Variants in TENM1 observed in about 807,000 individuals in gnomAD.
TENM1 encodes the protein teneurin transmembrane protein 1, also known as teneurin-1.
A neutral mutation model predicts 174.8 loss-of-function variants in TENM1; 35 were observed. The observed-to-expected ratio is 0.20, with a 90% CI of 0.15 to 0.27. TENM1 has a LOEUF of 0.27. TENM1 is among the 10% of genes least tolerant of loss of function. TENM1 has a pLI of 1.00. For missense variants in TENM1, 1,633 were observed against 2,130.1 expected (o/e 0.77, Z 4.59); for synonymous variants, 781 against 798.7 (o/e 0.98, Z 0.37).
At position 124,419,532 on chromosome X, in the gene TENM1, G is replaced by A. The variant is rs756462611; in HGVS notation, c.4982+779C>T. On this transcript the variant is annotated intron_variant, in intron 25 of 31. Coordinates refer to ENST00000422452, the Ensembl canonical transcript of TENM1. ...CTTACTTGCAAACAAGGTCATCCAT[G>A]CCTTAAAAGGCAAGGACAATGGTCT... 5.3e-5 allele frequency among the ~76,000 whole-genome samples: 6 copies of A among 112,201 alleles called. No homozygotes were observed. The East Asian group carries it at 1.7e-3, about 31-fold the overall frequency.
intron 15 of TENM1, among the ~76,000 whole-genome samples, chrX:124,531,082 A>G (rs2148073243): frequency 9.3e-6 from 1 of 107,867 alleles, no homozygotes; most frequent in East Asian, 2.9e-4. Flanking sequence ...GGGTTGAGGA[A>G]GGTTGAGCAA....
chrX:124,432,974 C>T (rs1157044943), intron 23 of TENM1, among the ~76,000 whole-genome samples: 1 of 112,010 alleles, frequency 8.9e-6, no homozygotes, highest in Non-Finnish European at 1.9e-5. Flanking sequence ...TAGCAGATGT[C>T]ATGGACCATG....
chrX:124,847,910 G>A (rs921705930), intron 3 of TENM1, among the ~76,000 whole-genome samples: 11 of 110,703 alleles, frequency 9.9e-5, no homozygotes, highest in African/African-American at 3.3e-4. Context: ...CTTTGGCAGG[G>A]GTATGAATGG....
At chrX:124,889,313 T>G (rs2057438151) in intron 3 of TENM1, among the ~76,000 whole-genome samples, 1 of 111,273 alleles carries the variant, frequency 9.0e-6, no homozygotes, top group Admixed American at 9.6e-5. Context: ...TTGAGAAAAT[T>G]ATTCTGTCTC....
chrX:124,685,137 AAACAAC>A lies in TENM1; in HGVS notation c.1016-13308_1016-13303del, dbSNP rs3060647. Among the ~76,000 whole-genome samples the A allele has an allele frequency of 1.8e-3, 191 of 106,104 alleles. 1 individual carries two copies. The highest frequency in any genetic ancestry group is 6.7e-3 in the Admixed American group (67 of 9,961). 92.1% of individuals were successfully genotyped at this position (106,104 alleles called of 115,157 possible). ...CATCACCAAAGGGAAAGCAAAAAAC[AAACAAC>A]AACAACAACAACAACAACAACAACA... is the stretch of plus-strand genomic sequence containing the variant. On this transcript the variant is annotated intron_variant, in intron 5 of 31. Transcript: ENST00000422452.
chrX:125,141,738 CTG>C, the TENM1 span, among the ~76,000 whole-genome samples: 16 of 111,575 alleles, frequency 1.4e-4, no homozygotes, highest in African/African-American at 5.2e-4. Flanking sequence ...ATGAAAAACA[CTG>C]TGTTTGTGGT....
intron 3 of TENM1, among the ~76,000 whole-genome samples, chrX:124,890,087 TATAA>T (rs1308949356): frequency 3.6e-5 from 4 of 112,293 alleles, no homozygotes; most frequent in African/African-American, 6.5e-5. Flanking sequence ...AGGCTATAAC[TATAA>T]ATAATTTATT....
chrX:124,416,474 T>G (rs147899231), intron 25 of TENM1, among the ~76,000 whole-genome samples: 21 of 112,174 alleles, frequency 1.9e-4, no homozygotes, highest in Admixed American at 3.8e-4. Context: ...TATATCACAT[T>G]TTGTTTGTCT....
chrX:125,076,636 G>A, the TENM1 span, among the ~76,000 whole-genome samples: 1 of 111,223 alleles, frequency 9.0e-6, no homozygotes, highest in Non-Finnish European at 1.9e-5. Context: ...GCAGTGTTTG[G>A]ATTAGAATAT....
chrX:125,096,459 G>T, the TENM1 span, among the ~76,000 whole-genome samples: 1 of 112,207 alleles, frequency 8.9e-6, no homozygotes, highest in African/African-American at 3.2e-5. Context: ...TTTTCTTGGA[G>T]AAAGAGTTTC....
chrX:124,467,115 T>C (rs191945852), intron 22 of TENM1, among the ~76,000 whole-genome samples: 1 of 111,541 alleles, frequency 9.0e-6, no homozygotes, highest in East Asian at 2.8e-4. Flanking sequence ...ATTAGACTGT[T>C]TCCCCCAAAT....
the TENM1 span, among the ~76,000 whole-genome samples, chrX:124,990,759 AT>A: frequency 8.9e-6 from 1 of 112,222 alleles, no homozygotes; most frequent in Non-Finnish European, 1.9e-5. Flanking sequence ...ATCAGGATTA[AT>A]TTATCGATTG....
At chrX:124,878,498 C>A (rs2057247462) in intron 3 of TENM1, among the ~76,000 whole-genome samples, 1 of 108,551 alleles carries the variant, frequency 9.2e-6, no homozygotes, top group Non-Finnish European at 1.9e-5. Context: ...TGGTGCCCTC[C>A]CGGTGGTCAT....
intron 13 of TENM1, 116 bp downstream of exon 16, chrX:124,563,633 T>G: frequency 1.8e-6 from 1 of 542,874 alleles, no homozygotes; most frequent in African/African-American, 2.3e-5. Flanking sequence ...TAAATAAGAT[T>G]GCCAAAAATA....
chrX:124,789,896 T>C (rs2055139656), intron 3 of TENM1, among the ~76,000 whole-genome samples: 1 of 112,077 alleles, frequency 8.9e-6, no homozygotes, highest in African/African-American at 3.2e-5. Flanking sequence ...CGCCTCATTC[T>C]ACTGGTACCA....
chrX:124,715,389 TA>T (rs1175230547), intron 4 of TENM1, among the ~76,000 whole-genome samples: 122 of 99,908 alleles, frequency 1.2e-3, no homozygotes, highest in Admixed American at 1.6e-3. Context: ...TCCTAGGACT[TA>T]AAAAAAAAAA....
the TENM1 span, among the ~76,000 whole-genome samples, chrX:125,196,540 A>G: frequency 8.9e-6 from 1 of 111,802 alleles, no homozygotes; most frequent in Non-Finnish European, 1.9e-5. Context: ...TTAATGTTAA[A>G]GGCAGGAGGG....
chrX:124,507,130 T>A (rs1296192802), intron 18 of TENM1, among the ~76,000 whole-genome samples: 1 of 111,194 alleles, frequency 9.0e-6, no homozygotes, highest in African/African-American at 3.3e-5. Context: ...AAAAAATTCA[T>A]TAACATCTCA....
chrX:124,565,885 GT>G (rs2048930319), intron 11 of TENM1, among the ~76,000 whole-genome samples: 1 of 111,794 alleles, frequency 8.9e-6, no homozygotes, highest in Non-Finnish European at 1.9e-5. Context: ...CTGAATGAAT[GT>G]GCAAGAAACT....
Sources: allele counts gnomAD v4.1 joint callset (sites outside exome capture counted in the v4.1 genomes callset), GRCh38; gene constraint gnomAD v4.1.1; transcripts MANE v1.5; gene names NCBI Gene and HGNC (gene_info 2026-07-23, HGNC 2026-07-21).